FGF13: variants seen among roughly 807,000 people sequenced by gnomAD.
FGF13 encodes fibroblast growth factor homologous factor 2.
A neutral mutation model predicts 19.5 loss-of-function variants in FGF13; 2 were observed. The ratio of observed to expected loss-of-function variants is 0.10; its 90% confidence interval spans 0.04 to 0.32. The LOEUF is 0.32. Among genes scored for constraint, FGF13 ranks in the 10% least tolerant of loss-of-function variants. The pLI, the probability that FGF13 is intolerant of heterozygous loss-of-function variation, is 1.00. For synonymous variants in FGF13, 72 were observed against 76.9 expected (o/e 0.94, Z 0.33); for missense variants, 113 against 192.7 (o/e 0.59, Z 2.45).
Position 139,184,358 on chromosome X carries a change from A to C in FGF13, c.-113+19058T>G, listed in dbSNP as rs137986940. On this transcript the variant is annotated intron_variant, in intron 1 of 2. Transcript: ENST00000421460. ...TAACTGCCTGACTTGTGGGTAATAC[A>C]TTTTTATACTTGTGCACTTTTATTT... Among the ~76,000 whole-genome samples, 830 of 111,803 alleles carry C rather than the reference A, an allele frequency of 7.4e-3. 11 individuals carry two copies. Among genetic ancestry groups the C allele is most frequent in the African/African-American group, 0.026 (800 of 30,802 alleles).
At chrX:139,000,458 T>C (rs2092067473) in intron 1 of FGF13, among the ~76,000 whole-genome samples, 1 of 112,060 alleles carries the variant, frequency 8.9e-6, no homozygotes, top group Non-Finnish European at 1.9e-5. Context: ...GCCCCAAATA[T>C]CCTTAATCTG....
intron 1 of FGF13, among the ~76,000 whole-genome samples, chrX:139,033,796 A>G (rs1398582569): frequency 2.7e-5 from 3 of 112,016 alleles, no homozygotes; most frequent in Non-Finnish European, 5.6e-5. Flanking sequence ...ATGGTCTTGG[A>G]AGCATTCAAG....
chrX:138,970,444 G>A (rs769093082), intron 1 of FGF13, among the ~76,000 whole-genome samples: 7 of 110,951 alleles, frequency 6.3e-5, no homozygotes, highest in Non-Finnish European at 1.1e-4. Flanking sequence ...CATAGGAGGG[G>A]GAGAAAGAAG....
chrX:139,052,932 G>A (rs2092307162), intron 1 of FGF13, among the ~76,000 whole-genome samples: 1 of 110,946 alleles, frequency 9.0e-6, no homozygotes, highest in South Asian at 3.8e-4. Context: ...GGTGATTTGT[G>A]AGATTTTGCT....
intron 1 of FGF13, among the ~76,000 whole-genome samples, chrX:139,166,408 T>G (rs1282181879): frequency 1.8e-5 from 2 of 112,149 alleles, no homozygotes; most frequent in Non-Finnish European, 3.8e-5. Context: ...CCAGCCATAC[T>G]GAGCTGTGAG....
Position 138,654,847 on chromosome X carries a change from T to C in FGF13, c.403-19192A>G, listed in dbSNP as rs1462477299. The stretch of plus-strand genomic sequence containing the variant: ...TTTTTTTGGTAAACTTTGCTTTTCT[T>C]TCTGTACTTCATCAGTCATCCTTAG... On this transcript the variant is annotated intron_variant, in intron 3 of 4. Coordinates refer to ENST00000315930, the MANE Select transcript of FGF13 (RefSeq NM_004114.5). 2.7e-5 allele frequency among the ~76,000 whole-genome samples: 3 copies of C among 111,629 alleles called. 1 individual carries two copies. The highest frequency in any genetic ancestry group is 9.8e-5 in the African/African-American group (3 of 30,640).
chrX:138,727,061 A>T (rs1281582218), intron 1 of FGF13, among the ~76,000 whole-genome samples: 1 of 111,385 alleles, frequency 9.0e-6, no homozygotes, highest in Non-Finnish European at 1.9e-5. Context: ...CCTTCGAAGT[A>T]GGTATTATGT....
intron 1 of FGF13, among the ~76,000 whole-genome samples, chrX:138,875,884 T>G (rs2091386174): frequency 9.0e-6 from 1 of 111,495 alleles, no homozygotes; most frequent in Non-Finnish European, 1.9e-5. Context: ...ATTAGATATA[T>G]AAATCAGCTC....
chrX:138,749,370 C>T (rs1466033907), intron 3 of FGF13, among the ~76,000 whole-genome samples: 1 of 101,573 alleles, frequency 9.8e-6, no homozygotes, highest in Non-Finnish European at 2.0e-5. Context: ...CACACACACA[C>T]GTACACATAA....
intron 1 of FGF13, among the ~76,000 whole-genome samples, chrX:139,121,357 C>T (rs763440302): frequency 1.4e-4 from 16 of 111,304 alleles, no homozygotes; most frequent in Non-Finnish European, 3.0e-4. Flanking sequence ...TCCATCACTA[C>T]CTATACGATC....
intron 1 of FGF13, among the ~76,000 whole-genome samples, chrX:138,925,980 T>A (rs1301465449): frequency 8.9e-6 from 1 of 111,841 alleles, no homozygotes; most frequent in East Asian, 2.8e-4. Context: ...GGCCTTTGCA[T>A]AAAGAGCTCT....
intron 2 of FGF13, among the ~76,000 whole-genome samples, chrX:138,860,412 CT>C (rs1373089101): frequency 9.0e-6 from 1 of 111,271 alleles, no homozygotes; most frequent in Non-Finnish European, 1.9e-5. Flanking sequence ...AAAAGGAGAC[CT>C]GCAAAGAATC....
intron 3 of FGF13, among the ~76,000 whole-genome samples, chrX:138,648,295 A>G: frequency 9.0e-6 from 1 of 111,346 alleles, no homozygotes; most frequent in East Asian, 2.8e-4. Context: ...CCTATTTTTT[A>G]CATTCCTCCT....
At chrX:138,979,916 C>T (rs982720873) in intron 1 of FGF13, among the ~76,000 whole-genome samples, 27 of 111,701 alleles carry the variant, frequency 2.4e-4, no homozygotes, top group African/African-American at 8.8e-4. Context: ...GCTGGTTTGA[C>T]AATGAGGACT....
chrX:138,856,219 T>A, downstream of FGF13, among the ~76,000 whole-genome samples: 1 of 111,353 alleles, frequency 9.0e-6, no homozygotes, highest in Non-Finnish European at 1.9e-5. Context: ...ACGTGAATAG[T>A]TTAGACACCA....
chrX:139,173,443 G>C (rs1362382143), intron 1 of FGF13, among the ~76,000 whole-genome samples: 1 of 109,755 alleles, frequency 9.1e-6, no homozygotes, highest in Non-Finnish European at 1.9e-5. Flanking sequence ...GGGATACATG[G>C]GCAGAACGTG....
At chrX:138,725,252 T>A (rs1179268202) in intron 1 of FGF13, among the ~76,000 whole-genome samples, 2 of 111,319 alleles carry the variant, frequency 1.8e-5, no homozygotes, top group Non-Finnish European at 3.8e-5. Context: ...GTATGTAAAA[T>A]AAGGCCTATT....
At chrX:138,770,949 G>A in intron 3 of FGF13, among the ~76,000 whole-genome samples, 1 of 110,996 alleles carries the variant, frequency 9.0e-6, no homozygotes. Flanking sequence ...GCAGAATGTG[G>A]GTTGGTCTTT....
chrX:138,945,460 G>C lies in FGF13; in HGVS notation c.-112-80810C>G, dbSNP rs185259530. Among the ~76,000 whole-genome samples the C allele has an allele frequency of 7.2e-5, 8 of 111,553 alleles. No individual in the cohort carries two copies. The Admixed American group carries it at 7.6e-4, about 11-fold the overall frequency. On this transcript the variant is annotated intron_variant, in intron 1 of 2. Coordinates refer to the FGF13 transcript ENST00000421460. ...ACTCGACAGATGAAACAGATAGCAG[G>C]ACTGGTTAGTTCGGCACTCCTGCCT...
Sources: allele counts gnomAD v4.1 joint callset (sites outside exome capture counted in the v4.1 genomes callset), GRCh38; gene constraint gnomAD v4.1.1; transcripts MANE v1.5; gene names NCBI Gene and HGNC (gene_info 2026-07-23, HGNC 2026-07-21).